BRINP1: variants seen among roughly 807,000 people sequenced by gnomAD.
BRINP1 encodes BMP/retinoic acid-inducible neural-specific protein 1.
A neutral mutation model predicts 72.9 loss-of-function variants in BRINP1; 17 were observed. The observed-to-expected ratio is 0.23, with a 90% CI of 0.16 to 0.35. The LOEUF (loss-of-function observed/expected upper bound fraction) is 0.35. BRINP1 is among the 10% of genes least tolerant of loss of function. The pLI, the probability that BRINP1 is intolerant of heterozygous loss-of-function variation, is 1.00. For missense variants in BRINP1, 850 were observed against 1,001.6 expected, an observed-to-expected ratio of 0.85 and a Z score of 2.04; for synonymous variants, 418 against 378.5, an observed-to-expected ratio of 1.10 and a Z score of -1.21.
At chr9:119,340,323 G>A (rs538071023) in intron 1 of BRINP1, among the ~76,000 whole-genome samples, 23 of 152,212 alleles carry the variant, frequency 1.5e-4, no homozygotes, top group African/African-American at 3.9e-4. Flanking sequence ...TGAGGTTCCC[G>A]GCAGCTGAAG....
chr9:119,300,326 T>TA lies in BRINP1; in HGVS notation c.218+12811dup, dbSNP rs541956915. On this transcript the variant is annotated intron_variant, in intron 2 of 7. Coordinates refer to ENST00000265922, the MANE Select transcript of BRINP1 (RefSeq NM_014618.3). ...ATTTGCTAACACAAAGTGACTATAGTAAAAAATAATTTAATTGTACATGTA... is the reference window on the plus strand; with the variant it reads ...ATTTGCTAACACAAAGTGACTATAGTAAAAAAATAATTTAATTGTACATGTA... 5.9e-5 allele frequency among the ~76,000 whole-genome samples: 9 copies of TA among 152,230 alleles called. No homozygotes were observed. In the South Asian group the frequency reaches 1.9e-3, roughly 32 times the overall value.
At chr9:119,168,331 A>G (rs1829346311) in intron 7 of BRINP1, 107 bp from the exon 8 acceptor site, 1 of 870,208 alleles carries the variant, frequency 1.1e-6, no homozygotes, top group Non-Finnish European at 1.7e-6. Context: ...AGATGAAAGG[A>G]CTGGATGGAG....
At chr9:119,247,904 T>C (rs1830340465) in intron 3 of BRINP1, among the ~76,000 whole-genome samples, 1 of 152,186 alleles carries the variant, frequency 6.6e-6, no homozygotes, top group East Asian at 1.9e-4. Context: ...GATAATATTA[T>C]TGTAGGAATG....
chr9:119,333,821 A>G (rs189181607), intron 1 of BRINP1, among the ~76,000 whole-genome samples: 1 of 152,180 alleles, frequency 6.6e-6, no homozygotes, highest in Non-Finnish European at 1.5e-5. Context: ...AAAGAAAAAA[A>G]ATATATATTG....
chr9:119,316,871 T>C (rs946912001), intron 1 of BRINP1, among the ~76,000 whole-genome samples: 2 of 151,908 alleles, frequency 1.3e-5, no homozygotes, highest in Non-Finnish European at 2.9e-5. Flanking sequence ...GAAATACATT[T>C]CATGAGGTCA....
Position 119,189,072 on chromosome 9 carries a change from A to G in BRINP1, c.1145+19647T>C, listed in dbSNP as rs114965623. 4.3e-3 allele frequency among the ~76,000 whole-genome samples: 662 copies of G among 152,310 alleles called. 2 individuals carry two copies. Among genetic ancestry groups the G allele is most frequent in the African/African-American group, 0.015 (613 of 41,574 alleles). On this transcript the variant is annotated intron_variant, in intron 7 of 7. Coordinates refer to ENST00000265922, the MANE Select transcript of BRINP1 (RefSeq NM_014618.3). Reference sequence around the variant, plus strand: ...TAGTTGGGGGGAGGGTAAAGGTAAAAGGTATATGCAACCAAATTTAAGTTA... The same window carrying G: ...TAGTTGGGGGGAGGGTAAAGGTAAAGGGTATATGCAACCAAATTTAAGTTA...
chr9:119,239,822 G>A (rs550633258), intron 4 of BRINP1, among the ~76,000 whole-genome samples: 3 of 152,096 alleles, frequency 2.0e-5, no homozygotes, highest in East Asian at 1.9e-4. Flanking sequence ...TGTATTTTTC[G>A]TTTTGTTTTA....
intron 7 of BRINP1, among the ~76,000 whole-genome samples, chr9:119,181,546 A>G (rs1265863490): frequency 6.6e-6 from 1 of 152,214 alleles, no homozygotes; most frequent in African/African-American, 2.4e-5. Context: ...GCAAAGCTCT[A>G]GAGAGATTTC....
intron 5 of BRINP1, among the ~76,000 whole-genome samples, chr9:119,216,415 T>A (rs1829975790): frequency 6.6e-6 from 1 of 152,168 alleles, no homozygotes; most frequent in Non-Finnish European, 1.5e-5. Flanking sequence ...TTTGAGTGAC[T>A]GTTTGGGAGG....
At chr9:119,229,822 C>T (rs989229566) in intron 5 of BRINP1, among the ~76,000 whole-genome samples, 2 of 152,088 alleles carry the variant, frequency 1.3e-5, no homozygotes, top group Non-Finnish European at 2.9e-5. Flanking sequence ...ACAGAGTTCA[C>T]TATGGGCTGA....
intron 1 of BRINP1, among the ~76,000 whole-genome samples, chr9:119,349,490 C>G (rs1831482173): frequency 6.6e-6 from 1 of 152,058 alleles, no homozygotes; most frequent in Admixed American, 6.6e-5. Context: ...GAGCAGAAAC[C>G]GAGATGCGTT....
intron 3 of BRINP1, among the ~76,000 whole-genome samples, chr9:119,245,553 A>G (rs945743808): frequency 2.0e-5 from 3 of 152,110 alleles, no homozygotes; most frequent in Admixed American, 6.5e-5. Flanking sequence ...GAGTATTCAC[A>G]TGATGTATTT....
chr9:119,220,469 G>C (rs1047300137), intron 5 of BRINP1, among the ~76,000 whole-genome samples: 4 of 152,132 alleles, frequency 2.6e-5, no homozygotes, highest in Admixed American at 6.6e-5. Context: ...CGCTGACTTT[G>C]ATTCTGCTCT....
chr9:119,205,560 T>C (rs2118867696), intron 7 of BRINP1, among the ~76,000 whole-genome samples: 1 of 152,300 alleles, frequency 6.6e-6, no homozygotes, highest in African/African-American at 2.4e-5. Context: ...CACAGCTTAC[T>C]AGTGGTAGGA....
At chr9:119,353,365 G>T (rs1409090493) in intron 1 of BRINP1, among the ~76,000 whole-genome samples, 3 of 152,070 alleles carry the variant, frequency 2.0e-5, no homozygotes, top group Non-Finnish European at 4.4e-5. Context: ...GAACTTCCAT[G>T]TATATTAACT....
At chr9:119,295,288 T>A (rs1394214591) in intron 2 of BRINP1, among the ~76,000 whole-genome samples, 1 of 152,076 alleles carries the variant, frequency 6.6e-6, no homozygotes, top group Non-Finnish European at 1.5e-5. Flanking sequence ...AAGCAATCCA[T>A]CCACCTCAGA....
intron 5 of BRINP1, among the ~76,000 whole-genome samples, chr9:119,225,547 A>T (rs1830081306): frequency 6.6e-6 from 1 of 152,030 alleles, no homozygotes; most frequent in Non-Finnish European, 1.5e-5. Flanking sequence ...AACTTTTTGT[A>T]CTTTTTATTG....
At chr9:119,300,499 C>G (rs755557496) in intron 2 of BRINP1, among the ~76,000 whole-genome samples, 1 of 152,036 alleles carries the variant, frequency 6.6e-6, no homozygotes, top group African/African-American at 2.4e-5. Context: ...ATATACACGA[C>G]TATGTACACA....
intron 2 of BRINP1, among the ~76,000 whole-genome samples, chr9:119,286,315 C>T (rs2118967914): frequency 6.6e-6 from 1 of 152,106 alleles, no homozygotes; most frequent in Non-Finnish European, 1.5e-5. Context: ...TCACTGCAAC[C>T]TCTACCTCCT....
Sources: gnomAD v4.1 joint callset for allele counts (sites outside exome capture counted in the v4.1 genomes callset) on GRCh38, gnomAD v4.1.1 for gene constraint, MANE v1.5 for transcripts, NCBI Gene and HGNC (gene_info 2026-07-23, HGNC 2026-07-21) for gene names.